The following RB1CC1 variants were observed in gnomAD, a reference collection of about 807,000 sequenced individuals.
The protein encoded by RB1CC1 is RB1 inducible coiled-coil 1, also known as RB1-inducible coiled-coil protein 1.
A neutral mutation model predicts 177.5 loss-of-function variants in RB1CC1; 46 were observed. The ratio of observed to expected loss-of-function variants is 0.26; its 90% confidence interval spans 0.20 to 0.33. RB1CC1 has a LOEUF of 0.33. Ranked by LOEUF, RB1CC1 falls within the 10% of genes least tolerant of loss-of-function variation. The pLI is 1.00. For missense variants in RB1CC1, 1,703 were observed against 1,816.3 expected, an observed-to-expected ratio of 0.94 and a Z score of 1.13; for synonymous variants, 666 against 613.6, an observed-to-expected ratio of 1.09 and a Z score of -1.26.
chr8:52,693,288 A>G (rs1855074001), intron 1 of RB1CC1, among the ~76,000 whole-genome samples: 2 of 152,220 alleles, frequency 1.3e-5, no homozygotes, highest in South Asian at 2.1e-4. Flanking sequence ...TAATTAAACT[A>G]AAGAGCTTCT....
At position 52,642,201 on chromosome 8, in the gene RB1CC1, CACTT is replaced by C. The variant is rs1012779648; in HGVS notation, c.4337+146_4337+149del. ...TAATTCATTCAGTAATGTTTTCTCA[CACTT>C]ACAGTTTAAAGAATTAAAATAGCAC... On this transcript the variant is annotated intron_variant, in intron 18 of 23. Coordinates refer to ENST00000025008, the MANE Select transcript of RB1CC1 (RefSeq NM_014781.5). 5.1e-5 allele frequency: 54 copies of C among 1,055,342 alleles called. No individual in the cohort carries two copies. The African/African-American group carries it at 5.6e-4, about 11-fold the overall frequency. 65.4% of individuals were successfully genotyped at this position (1,055,342 alleles called of 1,614,324 possible). A position where few individuals can be genotyped will look rare whatever the true frequency, so the allele number is the denominator to read the frequency against.
At chr8:52,642,290 GA>G (rs1849649575) in intron 18 of RB1CC1, 60 bp downstream of exon 18, 1 of 1,555,266 alleles carries the variant, frequency 6.4e-7, no homozygotes, top group African/African-American at 1.4e-5. Context: ...CCTCTCTTCA[GA>G]GCTTTATAAC....
chr8:52,711,271 G>C (rs1857040620), intron 1 of RB1CC1, among the ~76,000 whole-genome samples: 1 of 152,152 alleles, frequency 6.6e-6, no homozygotes, highest in African/African-American at 2.4e-5. Flanking sequence ...TTTACAAAGG[G>C]ATAGAAAGAA....
chr8:52,706,507 CG>C (rs1226730075), intron 1 of RB1CC1, among the ~76,000 whole-genome samples: 1 of 151,466 alleles, frequency 6.6e-6, no homozygotes, highest in Non-Finnish European at 1.5e-5. Context: ...CCGAGGCAGG[CG>C]GATCATGAGG....
At chr8:52,649,083 A>C (rs117699586) in intron 15 of RB1CC1, among the ~76,000 whole-genome samples, 5,561 of 152,298 alleles carry the variant, frequency 0.037, 137 homozygotes, top group South Asian at 0.065. Flanking sequence ...ATACTTTCGA[A>C]CCATGGGGTA....
rs1224350718 is a variant in RB1CC1 at position 52,657,912 on chromosome 8, G to A, written c.1921-4C>T. On this transcript the variant is annotated splice_region_variant and splice_polypyrimidine_tract_variant and intron_variant, in intron 14 of 23. Transcript: ENST00000025008. ...GGGATGTCTGACTCACAGATGCCTG[G>A]AAAACAGAAAGAAAGGCTTAAAGAG... 36 of 1,612,514 alleles carry A rather than the reference G, an allele frequency of 2.2e-5. No individual in the cohort carries two copies. The highest frequency in any genetic ancestry group is 6.7e-5 in the African/African-American group (5 of 74,746).
intron 15 of RB1CC1, among the ~76,000 whole-genome samples, chr8:52,654,848 A>T (rs1191718256): frequency 1.3e-5 from 2 of 152,032 alleles, no homozygotes; most frequent in Non-Finnish European, 2.9e-5. Flanking sequence ...AATTCCCCTT[A>T]TTCCTTATGT....
At chr8:52,658,269 T>C in intron 13 of RB1CC1, 145 bp from the exon 14 acceptor site, 1 of 1,048,966 alleles carries the variant, frequency 9.5e-7, no homozygotes. Flanking sequence ...AAGAAGTTTG[T>C]GTCATAATCA....
At chr8:52,635,683 C>T (rs1195786186) in intron 19 of RB1CC1, among the ~76,000 whole-genome samples, 4 of 151,972 alleles carry the variant, frequency 2.6e-5, no homozygotes, top group Non-Finnish European at 5.9e-5. Context: ...TTAAAATTGC[C>T]ATTCATGTTA....
chr8:52,663,848 G>GT (rs756265678), intron 8 of RB1CC1, among the ~76,000 whole-genome samples: 6 of 152,148 alleles, frequency 3.9e-5, no homozygotes, highest in Admixed American at 1.3e-4. Context: ...TACTATGTAT[G>GT]TATCAGGAAT....
At chr8:52,650,016 C>G (rs992998182) in intron 15 of RB1CC1, among the ~76,000 whole-genome samples, 1 of 152,134 alleles carries the variant, frequency 6.6e-6, no homozygotes, top group Non-Finnish European at 1.5e-5. Flanking sequence ...ATTTTTCTAA[C>G]AGATTATGTG....
intron 19 of RB1CC1, among the ~76,000 whole-genome samples, chr8:52,635,418 A>T (rs886972996): frequency 6.6e-6 from 1 of 152,184 alleles, no homozygotes; most frequent in Non-Finnish European, 1.5e-5. Flanking sequence ...TTTATCAGAC[A>T]ATTACACTTG....
At chr8:52,670,518 G>A (rs1005766496) in intron 7 of RB1CC1, among the ~76,000 whole-genome samples, 4 of 152,146 alleles carry the variant, frequency 2.6e-5, no homozygotes, top group Non-Finnish European at 5.9e-5. Flanking sequence ...CCACTCCCCT[G>A]CATAGATTCC....
chr8:52,671,061 G>A (rs956458160), intron 7 of RB1CC1, among the ~76,000 whole-genome samples: 1 of 152,058 alleles, frequency 6.6e-6, no homozygotes, highest in African/African-American at 2.4e-5. Context: ...GATAAAATGG[G>A]GGGAAAAACA....
intron 12 of RB1CC1, among the ~76,000 whole-genome samples, chr8:52,659,643 T>C (rs1851430740): frequency 6.6e-6 from 1 of 152,336 alleles, no homozygotes; most frequent in Non-Finnish European, 1.5e-5. Flanking sequence ...CCAATTCTTA[T>C]GTATTAAAAA....
intron 23 of RB1CC1, 85 bp downstream of exon 23, chr8:52,624,632 A>G (rs1291261786): frequency 6.4e-6 from 7 of 1,100,794 alleles, no homozygotes; most frequent in Admixed American, 6.2e-5. Context: ...GGCCAAGAAC[A>G]GCAGTGGTAA....
intron 1 of RB1CC1, among the ~76,000 whole-genome samples, chr8:52,699,911 A>C (rs1465007957): frequency 1.4e-5 from 2 of 147,268 alleles, no homozygotes. Context: ...TTCCACACCC[A>C]CACAACAGGA....
intron 22 of RB1CC1, among the ~76,000 whole-genome samples, chr8:52,627,208 G>A (rs147367711): frequency 3.0e-4 from 45 of 152,064 alleles, no homozygotes; most frequent in African/African-American, 1.0e-3. Flanking sequence ...TTAGCTGGGC[G>A]TGGTGGCACA....
At chr8:52,653,044 C>T (rs1034755020) in intron 15 of RB1CC1, among the ~76,000 whole-genome samples, 1 of 151,900 alleles carries the variant, frequency 6.6e-6, no homozygotes, top group Non-Finnish European at 1.5e-5. Context: ...GTAACAAGAG[C>T]GAAACTCCGT....
Sources: allele counts gnomAD v4.1 joint callset (sites outside exome capture counted in the v4.1 genomes callset), GRCh38; gene constraint gnomAD v4.1.1; transcripts MANE v1.5; gene names NCBI Gene and HGNC (gene_info 2026-07-23, HGNC 2026-07-21).